Variants in FES observed in about 807,000 individuals in gnomAD.
The protein encoded by FES is FES proto-oncogene, tyrosine kinase.
In FES, 83 loss-of-function variants were observed where a neutral mutation model predicts 109.6. The observed-to-expected ratio is 0.76, with a 90% CI of 0.63 to 0.91. FES has a LOEUF of 0.91. Among genes scored for constraint, FES ranks in the 40% least tolerant of loss-of-function variants. FES has a pLI of 0.00. For missense variants in FES, 943 were observed against 1,070.9 expected (o/e 0.88, Z 1.67); for synonymous variants, 458 against 442.1 (o/e 1.04, Z -0.45).
rs761130748 is a variant in FES at position 90,885,460 on chromosome 15, C to G, written c.262C>G (p.Arg88Gly). 2 of 1,613,202 alleles carry G rather than the reference C, an allele frequency of 1.2e-6. No homozygotes were observed. The highest frequency in any genetic ancestry group is 1.3e-5 in the African/African-American group (1 of 74,926). ...AACTGAGGGCCTGAGCCGCTTGCTG[C>G]GGCAGCACGCAGAGGATCTGAACTC... Reference protein sequence around the residue: ...SQTEGLSRLLRQHAEDLNSGP... With the variant: ...SQTEGLSRLLGQHAEDLNSGP... The change falls in exon 3 of 19, where the codon CGG becomes GGG. Residue 88 changes from arginine (R) to glycine (G), a missense_variant. Transcript: ENST00000328850.
At chr15:90,892,989 C>G (rs1055484542) in intron 14 of FES, 111 bp from the exon 15 acceptor site, 1 of 1,376,986 alleles carries the variant, frequency 7.3e-7, no homozygotes, top group Non-Finnish European at 1.0e-6. Context: ...TGCCCCAGGT[C>G]ACACGTCCGG....
At chr15:90,894,159 G>A (rs2033497071) in intron 18 of FES, 101 bp downstream of exon 18, 1 of 1,369,328 alleles carries the variant, frequency 7.3e-7, no homozygotes, top group Non-Finnish European at 1.0e-6. Flanking sequence ...CCACCAGGCA[G>A]AATAAGAATA....
chr15:90,885,369 C>G, intron 2 of FES, 43 bp from the exon 3 acceptor site: 1 of 1,596,020 alleles, frequency 6.3e-7, no homozygotes, highest in Non-Finnish European at 8.5e-7. Context: ...TGCTTGGGAG[C>G]CATTGTGCCC....
At position 90,894,074 on chromosome 15, in the gene FES, TG is replaced by T. The variant is rs1485826416; in HGVS notation, c.2326+17del. 5.0e-6 allele frequency: 8 copies of T among 1,613,096 alleles called. No homozygotes were observed. Among genetic ancestry groups the T allele is most frequent in the African/African-American group, 2.7e-5 (2 of 74,944 alleles). Reference sequence around the variant, plus strand: ...GTGGAGAAGGGTAAGCACCCTGTGATGACAGCAGCCTCAGGCTGCACCCTCT... The same window carrying T: ...GTGGAGAAGGGTAAGCACCCTGTGATACAGCAGCCTCAGGCTGCACCCTCT... On this transcript the variant is annotated intron_variant, in intron 18 of 18. Transcript: ENST00000328850.
chr15:90,893,010 C>G (rs1056290932), intron 14 of FES, 90 bp from the exon 15 acceptor site: 15 of 1,479,916 alleles, frequency 1.0e-5, no homozygotes, highest in Non-Finnish European at 9.2e-7. Context: ...GTCTGCTGGC[C>G]TTGGAGGCCA....
chr15:90,891,180 C>G lies in FES; in HGVS notation c.1519C>G (p.Gln507Glu). The G allele has an allele frequency of 5.1e-6, 8 of 1,556,692 alleles. No homozygotes were observed. Among genetic ancestry groups the G allele is most frequent in the Non-Finnish European group, 7.0e-6 (8 of 1,150,588 alleles). The change falls in exon 11 of 19, where the codon CAG (glutamine) becomes GAG (glutamate). Residue 507 changes from glutamine to glutamate, a missense_variant. Transcript: ENST00000328850. ...TGGTCTGCCCCGGCACTTCATCATCCAGTCCTTGGATGTGAGTGGGGCTGG... is the reference window on the plus strand; with the variant it reads ...TGGTCTGCCCCGGCACTTCATCATCGAGTCCTTGGATGTGAGTGGGGCTGG... ...WDGLPRHFIIQSLDNLYRLEG... is the reference protein window; with the variant it reads ...WDGLPRHFIIESLDNLYRLEG...
At chr15:90,890,950 A>T (rs1205695221) in intron 10 of FES, 32 bp from the exon 11 acceptor site, 23 of 1,548,352 alleles carry the variant, frequency 1.5e-5, no homozygotes, top group Non-Finnish European at 2.0e-5. Flanking sequence ...CAAGGTGGTT[A>T]AGTGACTCCT....
chr15:90,887,444 G>A, intron 5 of FES, 74 bp downstream of exon 5: 1 of 1,445,144 alleles, frequency 6.9e-7, no homozygotes, highest in Non-Finnish European at 9.2e-7. Flanking sequence ...CCAGAGGCAG[G>A]ACCCAGAAAA....
intron 12 of FES, 150 bp from the exon 13 acceptor site, chr15:90,891,908 C>A: frequency 1.8e-6 from 2 of 1,087,352 alleles, no homozygotes; most frequent in Non-Finnish European, 1.3e-6. Context: ...GGGCACCTGC[C>A]TGGACCCCGT....
rs763298078 is a variant in FES, at chr15:90,889,339, C to G, written c.702C>G (p.Ser234Arg). Residue 234 changes from serine to arginine, a missense_variant, in exon 6 of 19, where the codon AGC becomes AGG. Physicochemically the swap from Ser to Arg is moderately radical, Grantham distance 110. Transcript: ENST00000328850. This position sits in a 1 kb window ranked among gnomAD's most constrained non-coding sequence, Gnocchi z 6.1. The part of the protein sequence containing the change: ...KEILQEYLEI[S>R]SLVQDEVVAI... ...TCCTGCAGGAATACCTGGAGATTAG[C>G]AGCCTGGTGCAGGATGAGGTGGTGG... The G allele has an allele frequency of 1.2e-6, 2 of 1,613,866 alleles. No homozygotes were observed. Among genetic ancestry groups the G allele is most frequent in the Non-Finnish European group, 1.7e-6 (2 of 1,180,034 alleles).
chr15:90,886,709 G>A (rs2032666925), intron 3 of FES, among the ~76,000 whole-genome samples: 1 of 152,222 alleles, frequency 6.6e-6, no homozygotes, highest in South Asian at 2.1e-4. Flanking sequence ...AACTGGCCCT[G>A]CCTGCCACCA....
rs76993615 is a variant in FES, at chr15:90,885,529, C to T, written c.331C>T (p.Gln111Ter). 2.5e-6 allele frequency: 4 copies of T among 1,613,110 alleles called. No homozygotes were observed. Among genetic ancestry groups the T allele is most frequent in the Non-Finnish European group, 3.4e-6 (4 of 1,179,996 alleles). The change falls in exon 3 of 19, where the codon CAG becomes TAG. Residue 111 changes from glutamine (Q) to a stop codon, truncating the protein, a stop_gained. Transcript: ENST00000328850. LOFTEE classifies it high-confidence loss of function. ...KLSLLIRERQ[Q>*]LRKTYSEQWQ... Reference sequence around the variant, plus strand: ...GAGCCTGCTCATCCGGGAACGGCAGCAGCTTCGCAAGACCTACAGCGAGCA... The same window carrying T: ...GAGCCTGCTCATCCGGGAACGGCAGTAGCTTCGCAAGACCTACAGCGAGCA...
chr15:90,892,260 C>T, intron 13 of FES, 149 bp downstream of exon 13: 2 of 830,016 alleles, frequency 2.4e-6, no homozygotes, highest in Non-Finnish European at 3.9e-6. Context: ...CACACACCAT[C>T]CTCCAGGAAA....
In FES at chr15:90,884,836, C is replaced by T. The variant is rs1442266488; in HGVS notation, c.-9-201C>T. 5 of 564,234 alleles carry T rather than the reference C, an allele frequency of 8.9e-6. No individual in the cohort carries two copies. The Admixed American group carries it at 1.6e-4, about 18-fold the overall frequency. The allele number at this position is 564,234 out of a possible 1,614,324, so 35.0% of individuals were successfully genotyped here. ...CTGTTCCCGAACGTGCGGAGGAGAC[C>T]CTGACGCTAAGGAAGCAATGAGGGC... is the stretch of plus-strand genomic sequence containing the variant. On this transcript the variant is annotated intron_variant, in intron 1 of 18. Transcript: ENST00000328850.
rs1399650229 is a variant in FES at position 90,895,737 on chromosome 15, C to G, written c.*179C>G. ...GTCCCTGCTGCTGCCAGGGCTTCCT[C>G]TTCCGGGCAGAAACAATAAAACCAC... On this transcript the variant is annotated 3_prime_UTR_variant, in exon 19 of 19. Coordinates refer to ENST00000328850, the MANE Select transcript of FES (RefSeq NM_002005.4). The G allele has an allele frequency of 6.0e-6, 3 of 501,868 alleles. No individual in the cohort carries two copies. The East Asian group carries it at 1.0e-4, about 17-fold the overall frequency. 31.1% of individuals were successfully genotyped at this position (501,868 alleles called of 1,614,324 possible).
At position 90,885,543 on chromosome 15, in the gene FES, C is replaced by T. The variant is rs372866909; in HGVS notation, c.345C>T (p.Thr115=). ...GGGAACGGCAGCAGCTTCGCAAGAC[C>T]TACAGCGAGCAGTGGCAGCAGCTGC... ...LIRERQQLRK[T]YSEQWQQLQQ... is the part of the protein sequence containing the mutation. The change falls in exon 3 of 19, where the codon ACC becomes ACT. Residue 115 remains threonine (T), a synonymous_variant. Transcript: ENST00000328850. The T allele has an allele frequency of 1.9e-5, 31 of 1,613,074 alleles. No individual in the cohort carries two copies. The highest frequency in any genetic ancestry group is 1.6e-4 in the Middle Eastern group (1 of 6,082).
intron 10 of FES, 183 bp downstream of exon 10, chr15:90,890,667 G>A (rs778585609): frequency 1.2e-5 from 8 of 643,738 alleles, no homozygotes; most frequent in African/African-American, 9.2e-5. Context: ...TCGCCCCAGT[G>A]TGCTAAAGGG....
At chr15:90,884,909 C>T (rs1227782590) in intron 1 of FES, 128 bp from the exon 2 acceptor site, 1 of 753,740 alleles carries the variant, frequency 1.3e-6, no homozygotes, top group South Asian at 1.8e-5. Flanking sequence ...TGCGTGTGAG[C>T]GAGGCAGGAC....
chr15:90,895,472 C>G lies in FES; in HGVS notation c.2383C>G (p.Gln795Glu). The change falls in exon 19 of 19, where the codon CAG becomes GAG. Residue 795 changes from glutamine (Q) to glutamate (E), a missense_variant. Transcript: ENST00000328850. ...CPDAVFRLME[Q>E]CWAYEPGQRP... is the part of the protein sequence containing the mutation. ...TGATGCCGTGTTCAGGCTCATGGAG[C>G]AGTGCTGGGCCTATGAGCCTGGGCA... 2 of 1,591,972 alleles carry G rather than the reference C, an allele frequency of 1.3e-6. No homozygotes were observed. Among genetic ancestry groups the G allele is most frequent in the South Asian group, 2.3e-5 (2 of 88,352 alleles).
Sources: allele counts gnomAD v4.1 joint callset (sites outside exome capture counted in the v4.1 genomes callset), GRCh38; gene constraint gnomAD v4.1.1; non-coding constraint Gnocchi (gnomAD v3.1); transcripts MANE v1.5; gene names NCBI Gene and HGNC (gene_info 2026-07-23, HGNC 2026-07-21).